PLCB1: variants seen among roughly 807,000 people sequenced by gnomAD.
The protein encoded by PLCB1 is 1-phosphatidylinositol 4,5-bisphosphate phosphodiesterase beta-1.
A neutral mutation model predicts 161.8 loss-of-function variants in PLCB1; 46 were observed. The ratio of observed to expected loss-of-function variants is 0.28; its 90% CI spans 0.22 to 0.36. The LOEUF is 0.36. Among genes scored for constraint, PLCB1 ranks in the 10% least tolerant of loss-of-function variants. The pLI, the probability that PLCB1 is intolerant of heterozygous loss-of-function variation, is 1.00. For missense variants in PLCB1, 1,016 were observed against 1,472.5 expected (o/e 0.69, Z 5.07); for synonymous variants, 517 against 503.7 (o/e 1.03, Z -0.35).
chr20:8,399,485 G>A (rs1978450265), intron 3 of PLCB1, among the ~76,000 whole-genome samples: 1 of 151,980 alleles, frequency 6.6e-6, no homozygotes, highest in African/African-American at 2.4e-5. Context: ...ATTGTTCAGT[G>A]TGTCTATTAA....
chr20:8,581,799 G>C (rs187454855), intron 3 of PLCB1, among the ~76,000 whole-genome samples: 2 of 152,290 alleles, frequency 1.3e-5, no homozygotes, highest in East Asian at 3.9e-4. Context: ...TCTGAATTCA[G>C]AAGTTTGTAT....
intron 3 of PLCB1, among the ~76,000 whole-genome samples, chr20:8,412,123 G>A (rs1979071890): frequency 6.6e-6 from 1 of 152,200 alleles, no homozygotes; most frequent in Admixed American, 6.5e-5. Context: ...ATTGCATGTG[G>A]AGGAATACAT....
At chr20:8,533,875 C>T (rs1312324545) in intron 3 of PLCB1, among the ~76,000 whole-genome samples, 4 of 152,202 alleles carry the variant, frequency 2.6e-5, no homozygotes, top group African/African-American at 9.6e-5. Flanking sequence ...TTAATTAGAT[C>T]CGATTTGTCA....
Position 8,175,464 on chromosome 20 carries a change from TAAAA to T in PLCB1, c.177+25100_177+25103del, listed in dbSNP as rs201444980. ...TTCATAGGCAAAAAATAAGTAAAAATAAAAAAAAAAGTATAAAATGAAGTTCAAC... is the reference window on the plus strand; with the variant it reads ...TTCATAGGCAAAAAATAAGTAAAAATAAAAAAGTATAAAATGAAGTTCAAC... On this transcript the variant is annotated intron_variant, in intron 2 of 31. Coordinates refer to ENST00000338037, the MANE Select transcript of PLCB1 (RefSeq NM_015192.4). 1.2e-4 allele frequency among the ~76,000 whole-genome samples: 4 copies of T among 32,038 alleles called. No homozygotes were observed. In the South Asian group the frequency reaches 2.5e-3, roughly 20 times the overall value. 21.0% of individuals were successfully genotyped at this position (32,038 alleles called of 152,430 possible). A position where few individuals can be genotyped will look rare whatever the true frequency, so the allele number is the denominator to read the frequency against.
chr20:8,732,782 TATAAATA>T (rs1250416318), intron 18 of PLCB1, among the ~76,000 whole-genome samples: 1 of 143,954 alleles, frequency 6.9e-6, no homozygotes, highest in Non-Finnish European at 1.5e-5. Flanking sequence ...ATTAGAATAA[TATAAATA>T]ATATATCTAA....
chr20:8,668,501 A>G (rs535508639), intron 9 of PLCB1, among the ~76,000 whole-genome samples: 7 of 152,302 alleles, frequency 4.6e-5, no homozygotes, highest in African/African-American at 1.4e-4. Context: ...ATGTGGCTAT[A>G]TGTCTTTGTT....
At position 8,719,803 on chromosome 20, in the gene PLCB1, C is replaced by T. The variant is rs8122776; in HGVS notation, c.1513+1955C>T. 8.7e-3 allele frequency among the ~76,000 whole-genome samples: 1,322 copies of T among 152,152 alleles called. 23 individuals are homozygous for T. The highest frequency in any genetic ancestry group is 0.031 in the African/African-American group (1,268 of 41,516). ...TGTACTTTTCTGTACGCCTGTTATA[C>T]ATCAGTTATAAGATTTTAAAATAAT... On this transcript the variant is annotated intron_variant, in intron 14 of 31. Transcript: ENST00000338037.
chr20:8,669,225 C>T (rs141910212), intron 9 of PLCB1, among the ~76,000 whole-genome samples: 3 of 152,090 alleles, frequency 2.0e-5, no homozygotes, highest in Admixed American at 6.6e-5. Context: ...TAACTATGTG[C>T]GAGGGAAGCT....
intron 31 of PLCB1, among the ~76,000 whole-genome samples, chr20:8,850,028 C>T (rs759744463): frequency 1.1e-4 from 17 of 152,160 alleles, no homozygotes; most frequent in Non-Finnish European, 2.2e-4. Context: ...AAAAAAAGAA[C>T]GAAGCAGCCC....
intron 3 of PLCB1, among the ~76,000 whole-genome samples, chr20:8,584,793 C>G (rs1203871368): frequency 1.3e-5 from 2 of 152,018 alleles, no homozygotes; most frequent in Non-Finnish European, 2.9e-5. Flanking sequence ...CAGGTTTAAG[C>G]GATTCTCCTG....
chr20:8,779,992 G>A (rs1049639806), intron 27 of PLCB1, among the ~76,000 whole-genome samples: 5 of 152,188 alleles, frequency 3.3e-5, no homozygotes, highest in Middle Eastern at 3.2e-3. Context: ...ACGTGCTTGT[G>A]CTCCATGATA....
intron 9 of PLCB1, among the ~76,000 whole-genome samples, chr20:8,679,303 A>G (rs1317471471): frequency 6.6e-6 from 1 of 152,200 alleles, no homozygotes; most frequent in Non-Finnish European, 1.5e-5. Flanking sequence ...CGAACCTGAG[A>G]AGATGAGAGA....
At chr20:8,771,877 G>GTTCCTTCCTTCCTTCA (rs139759464) in intron 26 of PLCB1, among the ~76,000 whole-genome samples, 21 of 150,232 alleles carry the variant, frequency 1.4e-4, no homozygotes, top group South Asian at 8.5e-4. Flanking sequence ...TCCTTCCTTC[G>GTTCCTTCCTTCCTTCA]TTCCTTCCTT....
chr20:8,381,132 A>G (rs1987239355), intron 3 of PLCB1, among the ~76,000 whole-genome samples: 1 of 152,146 alleles, frequency 6.6e-6, no homozygotes, highest in Non-Finnish European at 1.5e-5. Context: ...TGCCTAGTTT[A>G]TTGAGAGTTT....
chr20:8,468,399 G>A (rs573947630), intron 3 of PLCB1, among the ~76,000 whole-genome samples: 19 of 152,138 alleles, frequency 1.2e-4, no homozygotes, highest in Non-Finnish European at 2.8e-4. Context: ...GGACTCTGGA[G>A]TCTTGGATAT....
At chr20:8,837,821 A>G (rs915123865) in intron 31 of PLCB1, among the ~76,000 whole-genome samples, 8 of 152,208 alleles carry the variant, frequency 5.3e-5, no homozygotes, top group African/African-American at 1.9e-4. Flanking sequence ...CACTGAATTG[A>G]GAAATCTAAA....
At chr20:8,523,496 C>A (rs201358263) in intron 3 of PLCB1, among the ~76,000 whole-genome samples, 11,026 of 50,166 alleles carry the variant, frequency 0.22, 2,026 homozygotes, top group African/African-American at 0.36. Flanking sequence ...CTCTCTCTCT[C>A]TATATATATA....
chr20:8,312,593 A>G (rs1984456740), intron 2 of PLCB1, among the ~76,000 whole-genome samples: 1 of 152,152 alleles, frequency 6.6e-6, no homozygotes, highest in Non-Finnish European at 1.5e-5. Flanking sequence ...CTCTTCTTAC[A>G]TGAGGCAGAA....
chr20:8,214,386 G>A (rs910837410), intron 2 of PLCB1, among the ~76,000 whole-genome samples: 3 of 151,944 alleles, frequency 2.0e-5, no homozygotes. Flanking sequence ...AAAGTGTGGC[G>A]CCTGGCTCTT....
Sources: allele counts gnomAD v4.1 joint callset (sites outside exome capture counted in the v4.1 genomes callset), GRCh38; gene constraint gnomAD v4.1.1; transcripts MANE v1.5; gene names NCBI Gene and HGNC (gene_info 2026-07-23, HGNC 2026-07-21).